SLC2A9: variants seen among roughly 807,000 people sequenced by gnomAD.
The protein encoded by SLC2A9 is solute carrier family 2, facilitated glucose transporter member 9.
A neutral mutation model predicts 50.6 loss-of-function variants in SLC2A9; 39 were observed. The observed-to-expected ratio is 0.77, with a 90% CI of 0.60 to 1.01. The LOEUF is 1.01. Ranked by LOEUF, SLC2A9 falls within the 50% of genes least tolerant of loss-of-function variation. The pLI, the probability that SLC2A9 is intolerant of heterozygous loss-of-function variation, is 0.00. For synonymous variants in SLC2A9, 324 were observed against 276.9 expected, an observed-to-expected ratio of 1.17 and a Z score of -1.69; for missense variants, 686 against 677.6, an observed-to-expected ratio of 1.01 and a Z score of -0.14.
chr4:9,800,434 C>T (rs1300095804), intron 3 of SLC2A9, among the ~76,000 whole-genome samples: 1 of 152,136 alleles, frequency 6.6e-6, no homozygotes. Context: ...TGGACACAGG[C>T]ATGTATAGAA....
At chr4:9,982,030 C>T (rs533056052) in intron 4 of SLC2A9, among the ~76,000 whole-genome samples, 322 of 152,152 alleles carry the variant, frequency 2.1e-3, no homozygotes, top group Middle Eastern at 0.014. Flanking sequence ...TATAGGCATG[C>T]GCCACCACGC....
intron 1 of SLC2A9, among the ~76,000 whole-genome samples, chr4:10,037,866 G>T (rs919558481): frequency 6.6e-6 from 1 of 152,126 alleles, no homozygotes; most frequent in Non-Finnish European, 1.5e-5. Flanking sequence ...CACGAGAATC[G>T]CTAGAACCTG....
intron 1 of SLC2A9, chr4:10,029,284 G>A (rs1043590082): frequency 2.0e-5 from 3 of 152,194 alleles, no homozygotes; most frequent in Admixed American, 6.5e-5. Flanking sequence ...AGATGGGGCA[G>A]GGCATCTGAA....
intron 10 of SLC2A9, among the ~76,000 whole-genome samples, chr4:9,857,947 C>T (rs547235115): frequency 8.8e-4 from 134 of 152,328 alleles, no homozygotes; most frequent in African/African-American, 3.0e-3. Flanking sequence ...TACACTGCCA[C>T]GGTACCTAGG....
chr4:9,923,967 C>G (rs114559940), intron 6 of SLC2A9: 1 of 152,066 alleles, frequency 6.6e-6, no homozygotes, highest in Admixed American at 6.6e-5. Context: ...CCTGGCTGGA[C>G]GACAAGGGAG....
intron 10 of SLC2A9, chr4:9,879,672 C>A (rs928289210): frequency 3.0e-6 from 3 of 985,298 alleles, no homozygotes; most frequent in African/African-American, 3.5e-5. Flanking sequence ...ACCGCTCCAT[C>A]TTGTTTGCAT....
intron 11 of SLC2A9, among the ~76,000 whole-genome samples, chr4:9,829,152 C>T (rs1018521619): frequency 2.0e-5 from 3 of 152,106 alleles, no homozygotes; most frequent in African/African-American, 7.2e-5. Flanking sequence ...ACCTGTAATC[C>T]CAGCACTTTG....
chr4:9,856,220 C>A (rs187182843), intron 10 of SLC2A9, among the ~76,000 whole-genome samples: 131 of 152,240 alleles, frequency 8.6e-4, no homozygotes, highest in African/African-American at 2.8e-3. Flanking sequence ...ATGCATCTGA[C>A]AAAGGTCTAA....
chr4:9,782,478 G>C, intron 3 of SLC2A9: 1 of 1,613,946 alleles, frequency 6.2e-7, no homozygotes, highest in Non-Finnish European at 8.5e-7. Context: ...CGCTACAAGC[G>C]CAAGATGACT....
chr4:9,934,234 C>T (rs941122173), intron 6 of SLC2A9, among the ~76,000 whole-genome samples: 4 of 152,144 alleles, frequency 2.6e-5, no homozygotes, highest in African/African-American at 9.7e-5. Flanking sequence ...TTGTACAAAG[C>T]AAAATTCACA....
Position 9,957,364 on chromosome 4 carries a change from G to A in SLC2A9, c.682-15319C>T, listed in dbSNP as rs78294430. On this transcript the variant is annotated intron_variant, in intron 5 of 11. Coordinates refer to ENST00000264784, the MANE Select transcript of SLC2A9 (RefSeq NM_020041.3). ...TGTGGGGCCTCCCAATACAAATCCTGCTCACGCTGTCATCACTCTTGAGTG... is the reference window on the plus strand; with the variant it reads ...TGTGGGGCCTCCCAATACAAATCCTACTCACGCTGTCATCACTCTTGAGTG... 3.5e-3 allele frequency among the ~76,000 whole-genome samples: 530 copies of A among 152,272 alleles called. 4 individuals carry two copies. The highest frequency in any genetic ancestry group is 0.012 in the African/African-American group (482 of 41,578).
intron 3 of SLC2A9, among the ~76,000 whole-genome samples, chr4:9,817,195 C>T (rs566087309): frequency 7.2e-5 from 11 of 152,210 alleles, no homozygotes; most frequent in Non-Finnish European, 1.5e-4. Flanking sequence ...ACGTTAATGA[C>T]CCAAACTCAA....
At chr4:9,783,298 G>C (rs1718760609) in intron 3 of SLC2A9, 2 of 1,614,214 alleles carry the variant, frequency 1.2e-6, no homozygotes, top group Non-Finnish European at 1.7e-6. Context: ...CCGGCAACCG[G>C]GAGGTGGACA....
At chr4:9,879,219 G>A (rs549018505) in intron 10 of SLC2A9, 2 of 985,302 alleles carry the variant, frequency 2.0e-6, no homozygotes, top group East Asian at 1.1e-4. Context: ...CAGAGGGGCG[G>A]GCTGTTTCTA....
intron 2 of SLC2A9, among the ~76,000 whole-genome samples, chr4:10,013,213 G>A (rs140937127): frequency 6.6e-6 from 1 of 152,322 alleles, no homozygotes; most frequent in Non-Finnish European, 1.5e-5. Context: ...AGAAAGGACT[G>A]AAGATCTTTC....
chr4:10,022,942 C>T (rs1763605891), upstream of SLC2A9, among the ~76,000 whole-genome samples: 1 of 152,212 alleles, frequency 6.6e-6, no homozygotes, highest in African/African-American at 2.4e-5. Flanking sequence ...GTTAATCAGT[C>T]AGGCATGCCC....
chr4:9,963,955 A>G (rs779335708), intron 5 of SLC2A9, among the ~76,000 whole-genome samples: 2 of 152,042 alleles, frequency 1.3e-5, no homozygotes, highest in Admixed American at 6.5e-5. Flanking sequence ...TGTGCTGTCT[A>G]TTGGGCTTAG....
intron 3 of SLC2A9, among the ~76,000 whole-genome samples, chr4:9,993,122 G>A (rs139754585): frequency 6.6e-6 from 1 of 152,332 alleles, no homozygotes; most frequent in Non-Finnish European, 1.5e-5. Context: ...CTCCTTGTAG[G>A]TGCTCAAAAA....
At chr4:10,021,657 T>C (rs1206282246), upstream of SLC2A9, among the ~76,000 whole-genome samples, 1 of 151,720 alleles carries the variant, frequency 6.6e-6, no homozygotes, top group African/African-American at 2.4e-5. Flanking sequence ...CTCTCCAGGA[T>C]TGCCACCCAG....
Sources: allele counts gnomAD v4.1 joint callset (sites outside exome capture counted in the v4.1 genomes callset), GRCh38; gene constraint gnomAD v4.1.1; transcripts MANE v1.5; gene names NCBI Gene and HGNC (gene_info 2026-07-23, HGNC 2026-07-21).